LDLRAD3: variants seen among roughly 807,000 people sequenced by gnomAD.
LDLRAD3 encodes the protein low density lipoprotein receptor class A domain containing 3, also known as low-density lipoprotein receptor class A domain-containing protein 3.
Under a neutral mutation model 29.4 loss-of-function variants are expected in LDLRAD3, and 20 were observed. The ratio of observed to expected loss-of-function variants is 0.68; its 90% confidence interval spans 0.48 to 0.99. The LOEUF (loss-of-function observed/expected upper bound fraction) is 0.99, where lower values mean the gene tolerates loss of function less well. Ranked by LOEUF, LDLRAD3 falls within the 50% of genes least tolerant of loss-of-function variation. The pLI is 0.00. For missense variants in LDLRAD3, 420 were observed against 454.3 expected, an observed-to-expected ratio of 0.92 and a Z score of 0.69; for synonymous variants, 157 against 192.7, an observed-to-expected ratio of 0.81 and a Z score of 1.53.
At chr11:36,162,078 A>G (rs1387723869) in intron 4 of LDLRAD3, among the ~76,000 whole-genome samples, 1 of 152,212 alleles carries the variant, frequency 6.6e-6, no homozygotes, top group African/African-American at 2.4e-5. Flanking sequence ...CAAGTAAGTA[A>G]TTTTGGAAGC....
chr11:36,103,966 T>C (rs1853488602), intron 4 of LDLRAD3, among the ~76,000 whole-genome samples: 1 of 152,220 alleles, frequency 6.6e-6, no homozygotes, highest in Non-Finnish European at 1.5e-5. Flanking sequence ...TGCTTCCACC[T>C]TTTGACTATT....
At chr11:36,151,085 C>T (rs1046331770) in intron 4 of LDLRAD3, among the ~76,000 whole-genome samples, 7 of 152,292 alleles carry the variant, frequency 4.6e-5, no homozygotes, top group African/African-American at 1.4e-4. Context: ...ACCTTTCAGG[C>T]ACACTTTTCT....
chr11:35,986,825 G>C (rs1026684532), intron 1 of LDLRAD3, among the ~76,000 whole-genome samples: 4 of 152,228 alleles, frequency 2.6e-5, no homozygotes, highest in Admixed American at 6.5e-5. Context: ...TGCCACAGAT[G>C]ATGCAGAGCA....
chr11:36,132,982 T>G (rs929393434), intron 4 of LDLRAD3, among the ~76,000 whole-genome samples: 3 of 152,262 alleles, frequency 2.0e-5, no homozygotes, highest in Non-Finnish European at 4.4e-5. Context: ...TATAGTGTTT[T>G]GGGGTTTTTA....
At chr11:36,191,599 TAC>T (rs71044557) in intron 4 of LDLRAD3, among the ~76,000 whole-genome samples, 3,096 of 92,686 alleles carry the variant, frequency 0.033, 87 homozygotes, top group East Asian at 0.094. Flanking sequence ...TATATATATA[TAC>T]ACACACACAC....
chr11:36,025,491 C>A (rs977452163), intron 1 of LDLRAD3, among the ~76,000 whole-genome samples: 19 of 151,444 alleles, frequency 1.3e-4, no homozygotes, highest in African/African-American at 4.6e-4. Context: ...AGGGTTCACG[C>A]CATTCTCCTG....
chr11:36,044,958 C>T (rs944708707), intron 2 of LDLRAD3, among the ~76,000 whole-genome samples: 3 of 152,256 alleles, frequency 2.0e-5, no homozygotes, highest in African/African-American at 7.2e-5. Flanking sequence ...TTCTCAGCCT[C>T]CATGAGTATG....
intron 4 of LDLRAD3, among the ~76,000 whole-genome samples, chr11:36,220,349 C>T (rs374771823): frequency 2.0e-5 from 3 of 152,080 alleles, no homozygotes; most frequent in African/African-American, 7.2e-5. Flanking sequence ...CCTATGTATG[C>T]CCAAGAAATA....
intron 2 of LDLRAD3, among the ~76,000 whole-genome samples, chr11:36,054,256 A>G (rs942936151): frequency 6.6e-6 from 1 of 152,214 alleles, no homozygotes; most frequent in Non-Finnish European, 1.5e-5. Flanking sequence ...CCAACCGGCA[A>G]TCCTTTTTGA....
At chr11:35,980,890 T>A (rs949245523) in intron 1 of LDLRAD3, among the ~76,000 whole-genome samples, 1 of 152,158 alleles carries the variant, frequency 6.6e-6, no homozygotes, top group Non-Finnish European at 1.5e-5. Flanking sequence ...ATAATTTTGG[T>A]TACTGCTTTT....
At chr11:36,005,445 A>G (rs2133181865) in intron 1 of LDLRAD3, among the ~76,000 whole-genome samples, 1 of 152,282 alleles carries the variant, frequency 6.6e-6, no homozygotes, top group Non-Finnish European at 1.5e-5. Flanking sequence ...TAAGTTCCTC[A>G]TCTCCATCTG....
chr11:35,957,620 C>T (rs896928768), intron 1 of LDLRAD3, among the ~76,000 whole-genome samples: 5 of 151,936 alleles, frequency 3.3e-5, no homozygotes, highest in South Asian at 2.1e-4. Context: ...GGCAACATGG[C>T]GAAACCTCGT....
At chr11:36,037,740 T>TCG (rs1029462248) in intron 2 of LDLRAD3, among the ~76,000 whole-genome samples, 1 of 152,196 alleles carries the variant, frequency 6.6e-6, no homozygotes, top group Non-Finnish European at 1.5e-5. Flanking sequence ...AACTGGTCCT[T>TCG]CGCCCATCCA....
intron 2 of LDLRAD3, among the ~76,000 whole-genome samples, chr11:36,041,851 C>G (rs1852385707): frequency 1.4e-5 from 2 of 148,096 alleles, no homozygotes; most frequent in Non-Finnish European, 3.0e-5. Flanking sequence ...CAGACCTGGC[C>G]CTTTATGTTT....
rs67731567 is a variant in LDLRAD3 at position 36,055,990 on chromosome 11, CTTT to C, written c.193+19761_193+19763del. 2.4e-4 allele frequency among the ~76,000 whole-genome samples: 23 copies of C among 95,368 alleles called. No homozygotes were observed. The East Asian group carries it at 6.8e-3, about 28-fold the overall frequency. 62.6% of individuals were successfully genotyped at this position (95,368 alleles called of 152,430 possible). A position where few individuals can be genotyped will look rare whatever the true frequency, so the allele number is the denominator to read the frequency against. On this transcript the variant is annotated intron_variant, in intron 2 of 5. Transcript: ENST00000315571. Reference sequence around the variant, plus strand: ...GGGTTCTGGGGTCAGACAGCTTGCCCTTTTTTTTTTTTTTTTTTTTTTGAGACA... The same window carrying C: ...GGGTTCTGGGGTCAGACAGCTTGCCCTTTTTTTTTTTTTTTTTTTGAGACA...
intron 4 of LDLRAD3, among the ~76,000 whole-genome samples, chr11:36,118,615 G>A (rs570524865): frequency 6.6e-6 from 1 of 152,134 alleles, no homozygotes; most frequent in South Asian, 2.1e-4. Flanking sequence ...GGGGTCCTGA[G>A]CACCACTACA....
chr11:35,970,442 G>A (rs1851398048), intron 1 of LDLRAD3, among the ~76,000 whole-genome samples: 1 of 152,200 alleles, frequency 6.6e-6, no homozygotes, highest in Admixed American at 6.5e-5. Context: ...CCAGAAGCCA[G>A]GCAAGGAAGG....
intron 2 of LDLRAD3, among the ~76,000 whole-genome samples, chr11:36,037,371 A>G (rs775105568): frequency 6.6e-6 from 1 of 151,858 alleles, no homozygotes; most frequent in Non-Finnish European, 1.5e-5. Context: ...GCTGGAGTGC[A>G]GTGGTGTGAT....
rs1186402549 is a variant in LDLRAD3, at chr11:36,230,936, C to CT, written c.*1540dup. On this transcript the variant is annotated 3_prime_UTR_variant, in exon 6 of 6. Coordinates refer to ENST00000315571, the MANE Select transcript of LDLRAD3 (RefSeq NM_174902.4). ...TCCTCTCTCCCTCCGTGTATAGTCT[C>CT]TATGTTTGTGCTAGTTTTTCTTTTT... is the stretch of plus-strand genomic sequence containing the variant. The CT allele has an allele frequency of 6.6e-6, 1 of 152,338 alleles. No homozygotes were observed. The highest frequency in any genetic ancestry group is 2.4e-5 in the African/African-American group (1 of 41,426). The allele number at this position is 152,338 out of a possible 1,614,324, so 9.4% of individuals were successfully genotyped here. A position where few individuals can be genotyped will look rare whatever the true frequency, so the allele number is the denominator to read the frequency against.
Sources: gnomAD v4.1 joint callset for allele counts (sites outside exome capture counted in the v4.1 genomes callset) on GRCh38, gnomAD v4.1.1 for gene constraint, MANE v1.5 for transcripts, NCBI Gene and HGNC (gene_info 2026-07-23, HGNC 2026-07-21) for gene names.